The following KCNK12 variants were observed in gnomAD, a reference collection of about 807,000 sequenced individuals.
The protein encoded by KCNK12 is potassium channel subfamily K member 12.
A neutral mutation model predicts 25.3 loss-of-function variants in KCNK12; 6 were observed. The observed-to-expected ratio is 0.24, with a 90% CI of 0.13 to 0.47. The LOEUF (loss-of-function observed/expected upper bound fraction) is 0.47. Among genes scored for constraint, KCNK12 ranks in the 20% least tolerant of loss-of-function variants. KCNK12 has a pLI of 0.99. For synonymous variants in KCNK12, 331 were observed against 311.1 expected (o/e 1.06, Z -0.67); for missense variants, 444 against 661.7 (o/e 0.67, Z 3.61).
In KCNK12 at chr2:47,537,336, CT is replaced by C. The variant is rs5830962; in HGVS notation, c.392-15529del. Among the ~76,000 whole-genome samples, 335 of 146,570 alleles carry C rather than the reference CT, an allele frequency of 2.3e-3. 1 individual carries two copies. Among genetic ancestry groups the C allele is most frequent in the African/African-American group, 6.0e-3 (242 of 40,014 alleles). The stretch of plus-strand genomic sequence containing the variant: ...GTTGTGAAAATGGGTGATTTTCTTT[CT>C]TTTTTTTTTTTGAGATGGCATCTTG... On this transcript the variant is annotated intron_variant, in intron 1 of 1. Transcript: ENST00000327876.
chr2:47,521,312 G>A lies in KCNK12; in HGVS notation c.888C>T (p.Asn296=), dbSNP rs956025755. 6.2e-7 allele frequency: 1 copy of A among 1,613,264 alleles called. No homozygotes were observed. The highest frequency in any genetic ancestry group is 8.5e-7 in the Non-Finnish European group (1 of 1,179,828). Residue 296 remains asparagine (N), a synonymous_variant, in exon 2 of 2, where the codon AAC becomes AAT. Transcript: ENST00000327876. ...CCTGCTTGATGAGGATGGAGATGAC[G>A]TTGAAGAGCGAGTAAATGCAGCACA... ...LGVCCIYSLF[N]VISILIKQVL...
Position 47,547,459 on chromosome 2 carries a change from G to A in KCNK12, c.391+22482C>T, listed in dbSNP as rs545485205. 1.3e-4 allele frequency among the ~76,000 whole-genome samples: 20 copies of A among 152,154 alleles called. No individual in the cohort carries two copies. The highest frequency in any genetic ancestry group is 8.3e-4 in the South Asian group (4 of 4,814). Reference sequence around the variant, plus strand: ...GGTGATCTTTTCTTTTTCTTTTTGCGTCTGGGTCTGGCTCTATTGCCCAGG... The same window carrying A: ...GGTGATCTTTTCTTTTTCTTTTTGCATCTGGGTCTGGCTCTATTGCCCAGG... On this transcript the variant is annotated intron_variant, in intron 1 of 1. Transcript: ENST00000327876. This position sits in a 1 kb window ranked among gnomAD's most constrained non-coding sequence, Gnocchi z 5.0.
Position 47,548,885 on chromosome 2 carries a change from A to G in KCNK12, c.391+21056T>C, listed in dbSNP as rs1431889371. ...ATTGAGGGGAGAGAAATTCAGGTTC[A>G]GGGAGGATAAAGCAGCTGTCACTGC... On this transcript the variant is annotated intron_variant, in intron 1 of 1. Coordinates refer to ENST00000327876, the MANE Select transcript of KCNK12 (RefSeq NM_022055.2). This position sits in a 1 kb window ranked among gnomAD's most constrained non-coding sequence, Gnocchi z 4.4. Among the ~76,000 whole-genome samples the G allele has an allele frequency of 2.0e-5, 3 of 152,212 alleles. No individual in the cohort carries two copies. The highest frequency in any genetic ancestry group is 7.2e-5 in the African/African-American group (3 of 41,460).
chr2:47,538,466 C>A lies in KCNK12; in HGVS notation c.392-16658G>T, dbSNP rs1558555259. Among the ~76,000 whole-genome samples, 1 of 151,942 alleles carries A rather than the reference C, an allele frequency of 6.6e-6. No homozygotes were observed. The highest frequency in any genetic ancestry group is 2.4e-5 in the African/African-American group (1 of 41,380). ...GGCCCTGAGGCAGAGGGGCTGGAAA[C>A]AGAGAAGAAAAGAGTGAAAAAGGAC... On this transcript the variant is annotated intron_variant, in intron 1 of 1. Transcript: ENST00000327876. The surrounding 1 kb of genome is among the most constrained non-coding windows in gnomAD (Gnocchi z 4.5).
At position 47,510,780 on chromosome 2, in the gene KCNK12, C is replaced by T. The variant is rs925046254; in HGVS notation, c.*10127G>A. 1 of 152,174 alleles carries T rather than the reference C, an allele frequency of 6.6e-6. No homozygotes were observed. The highest frequency in any genetic ancestry group is 1.5e-5 in the Non-Finnish European group (1 of 68,042). The allele number at this position is 152,174 out of a possible 1,614,324, so 9.4% of individuals were successfully genotyped here. The stretch of plus-strand genomic sequence containing the variant: ...CTATTAACCCTGGTATTAATATTAA[C>T]TGGCTGCCCAGAATAAATGAAGAAT... On this transcript the variant is annotated 3_prime_UTR_variant, in exon 2 of 2. Transcript: ENST00000327876.
intron 1 of KCNK12, 73 bp from the exon 2 acceptor site, chr2:47,521,881 T>TGGGGGGGG: frequency 2.4e-5 from 5 of 212,146 alleles, no homozygotes; most frequent in East Asian, 1.6e-4. Flanking sequence ...GTGGGGGGTG[T>TGGGGGGGG]GGGGGCGGGG....
Position 47,551,575 on chromosome 2 carries a change from T to A in KCNK12, c.391+18366A>T, listed in dbSNP as rs1308514906. On this transcript the variant is annotated intron_variant, in intron 1 of 1. Transcript: ENST00000327876. The surrounding 1 kb of genome is among the most constrained non-coding windows in gnomAD (Gnocchi z 5.3). Reference sequence around the variant, plus strand: ...AAGAAATATTTGTTGAATAAATGGATCAATGGGAATCATGTTTTCTGGATG... The same window carrying A: ...AAGAAATATTTGTTGAATAAATGGAACAATGGGAATCATGTTTTCTGGATG... 6.6e-6 allele frequency among the ~76,000 whole-genome samples: 1 copy of A among 152,170 alleles called. No homozygotes were observed. The highest frequency in any genetic ancestry group is 2.4e-5 in the African/African-American group (1 of 41,432).
In KCNK12 at chr2:47,566,206, C is replaced by G. The variant is rs184123629; in HGVS notation, c.391+3735G>C. On this transcript the variant is annotated intron_variant, in intron 1 of 1. Coordinates refer to ENST00000327876, the MANE Select transcript of KCNK12 (RefSeq NM_022055.2). This position sits in a 1 kb window ranked among gnomAD's most constrained non-coding sequence, Gnocchi z 4.1. ...CTGTGTAGACACACGTGTATCTACA[C>G]GATTGCAAACTGCCCAGCTGTGGAT... 6.6e-6 allele frequency: 1 copy of G among 152,154 alleles called. No individual in the cohort carries two copies. The highest frequency in any genetic ancestry group is 2.4e-5 in the African/African-American group (1 of 41,432). The allele number at this position is 152,154 out of a possible 1,614,324, so 9.4% of individuals were successfully genotyped here. A position where few individuals can be genotyped will look rare whatever the true frequency, so the allele number is the denominator to read the frequency against.
In KCNK12 at chr2:47,546,599, G is replaced by A. The variant is rs1404784862; in HGVS notation, c.391+23342C>T. Among the ~76,000 whole-genome samples the A allele has an allele frequency of 3.9e-5, 6 of 152,340 alleles. No homozygotes were observed. In the East Asian group the frequency reaches 9.6e-4, roughly 24 times the overall value. On this transcript the variant is annotated intron_variant, in intron 1 of 1. Transcript: ENST00000327876. ...TTGAGCCAGGGAGGTTGAGGCTGCA[G>A]TAAGCTGTGATCATGCCACTGCACT...
chr2:47,528,078 T>C lies in KCNK12; in HGVS notation c.392-6270A>G, dbSNP rs1668827370. On this transcript the variant is annotated intron_variant, in intron 1 of 1. Transcript: ENST00000327876. The surrounding 1 kb of genome is among the most constrained non-coding windows in gnomAD (Gnocchi z 4.5). The stretch of plus-strand genomic sequence containing the variant: ...TTGTCCTGGGGTCTTCTTACGGCCC[T>C]GGTTCAGCTTGCATTCAGCATAACA... Among the ~76,000 whole-genome samples the C allele has an allele frequency of 6.6e-6, 1 of 152,178 alleles. No individual in the cohort carries two copies. The highest frequency in any genetic ancestry group is 1.5e-5 in the Non-Finnish European group (1 of 68,034).
chr2:47,555,305 T>G lies in KCNK12; in HGVS notation c.391+14636A>C, dbSNP rs147124629. ...CTGCAGGCAATTTGGAAGCAGCAGA[T>G]GCAAAGAAAGCTCCTTATCCTCCCC... On this transcript the variant is annotated intron_variant, in intron 1 of 1. Coordinates refer to ENST00000327876, the MANE Select transcript of KCNK12 (RefSeq NM_022055.2). This position sits in a 1 kb window ranked among gnomAD's most constrained non-coding sequence, Gnocchi z 4.5. 0.012 allele frequency among the ~76,000 whole-genome samples: 1,761 copies of G among 152,322 alleles called. 14 individuals carry two copies. The highest frequency in any genetic ancestry group is 0.017 in the Non-Finnish European group (1,183 of 68,028).
rs564556588 is a variant in KCNK12, at chr2:47,565,255, A to G, written c.391+4686T>C. The G allele has an allele frequency of 1.1e-4, 16 of 152,356 alleles. No homozygotes were observed. Among genetic ancestry groups the G allele is most frequent in the African/African-American group, 3.8e-4 (16 of 41,576 alleles). 9.4% of individuals were successfully genotyped at this position (152,356 alleles called of 1,614,324 possible). A position where few individuals can be genotyped will look rare whatever the true frequency, so the allele number is the denominator to read the frequency against. On this transcript the variant is annotated intron_variant, in intron 1 of 1. Transcript: ENST00000327876. The surrounding 1 kb of genome is among the most constrained non-coding windows in gnomAD (Gnocchi z 5.0). ...GTGTTTCATTCCAGATATCAAAACT[A>G]TCTCCAGCTGGATTACATACATGTT...
At chr2:47,532,985 A>G (rs1022100139) in intron 1 of KCNK12, among the ~76,000 whole-genome samples, 1 of 152,068 alleles carries the variant, frequency 6.6e-6, no homozygotes, top group African/African-American at 2.4e-5. Context: ...TTCTCCCTCT[A>G]AAAATGGCCC....
chr2:47,545,444 A>G (rs1402378099), intron 1 of KCNK12, among the ~76,000 whole-genome samples: 1 of 152,242 alleles, frequency 6.6e-6, no homozygotes, highest in Non-Finnish European at 1.5e-5. Flanking sequence ...CTGCTGTCAG[A>G]GAGTGGACCC....
In KCNK12 at chr2:47,517,333, G is replaced by C. The variant is rs971519150; in HGVS notation, c.*3574C>G. On this transcript the variant is annotated 3_prime_UTR_variant, in exon 2 of 2. Coordinates refer to ENST00000327876, the MANE Select transcript of KCNK12 (RefSeq NM_022055.2). The surrounding 1 kb of genome is among the most constrained non-coding windows in gnomAD (Gnocchi z 4.1). ...CTGCTGGGAGGCCTGTCTGAAGGAC[G>C]GAGGATCCTGGGTCAATTTAGCAGC... 3 of 152,174 alleles carry C rather than the reference G, an allele frequency of 2.0e-5. No individual in the cohort carries two copies. The highest frequency in any genetic ancestry group is 7.2e-5 in the African/African-American group (3 of 41,410). The allele number at this position is 152,174 out of a possible 1,614,324, so 9.4% of individuals were successfully genotyped here.
rs1668418169 is a variant in KCNK12, at chr2:47,512,177, A to C, written c.*8730T>G. 3.4e-6 allele frequency: 4 copies of C among 1,165,184 alleles called. No homozygotes were observed. Among genetic ancestry groups the C allele is most frequent in the African/African-American group, 1.6e-5 (1 of 64,460 alleles). 72.2% of individuals were successfully genotyped at this position (1,165,184 alleles called of 1,614,324 possible). On this transcript the variant is annotated 3_prime_UTR_variant, in exon 2 of 2. Transcript: ENST00000327876. ...TGGTCCTGCTCCTCCCAGTCCATGG[A>C]GAAAAAAGAATTGAACAAACTGTCT...
Position 47,569,961 on chromosome 2 carries a change from C to T in KCNK12, c.371G>A (p.Gly124Asp). 7.0e-7 allele frequency: 1 copy of T among 1,427,774 alleles called. No individual in the cohort carries two copies. The highest frequency in any genetic ancestry group is 1.5e-5 in the South Asian group (1 of 67,894). 88.4% of individuals were successfully genotyped at this position (1,427,774 alleles called of 1,614,324 possible). The change falls in exon 1 of 2, where the codon GGC becomes GAC. Residue 124 changes from glycine (G) to aspartate (D), a missense_variant. Transcript: ENST00000327876. This position sits in a 1 kb window ranked among gnomAD's most constrained non-coding sequence, Gnocchi z 4.1. The part of the protein sequence containing the change: ...WDFPGAFYFV[G>D]TVVSTIGFGM... ...CTCACCTATGGTTGACACCACGGTG[C>T]CCACGAAGTAGAAGGCGCCGGGGAA... is the stretch of plus-strand genomic sequence containing the variant.
Position 47,555,298 on chromosome 2 carries a change from C to G in KCNK12, c.391+14643G>C, listed in dbSNP as rs1008409283. On this transcript the variant is annotated intron_variant, in intron 1 of 1. Coordinates refer to ENST00000327876, the MANE Select transcript of KCNK12 (RefSeq NM_022055.2). This position sits in a 1 kb window ranked among gnomAD's most constrained non-coding sequence, Gnocchi z 4.5. Reference sequence around the variant, plus strand: ...TTTTGAGCTGCAGGCAATTTGGAAGCAGCAGATGCAAAGAAAGCTCCTTAT... The same window carrying G: ...TTTTGAGCTGCAGGCAATTTGGAAGGAGCAGATGCAAAGAAAGCTCCTTAT... Among the ~76,000 whole-genome samples, 76 of 152,188 alleles carry G rather than the reference C, an allele frequency of 5.0e-4. No homozygotes were observed. Among genetic ancestry groups the G allele is most frequent in the African/African-American group, 1.7e-3 (71 of 41,464 alleles).
rs1484307731 is a variant in KCNK12 at position 47,556,624 on chromosome 2, A to C, written c.391+13317T>G. On this transcript the variant is annotated intron_variant, in intron 1 of 1. Transcript: ENST00000327876. This position sits in a 1 kb window ranked among gnomAD's most constrained non-coding sequence, Gnocchi z 4.8. ...TGAGGGCAGATGAAGAATACGTGGGAAGTTGGTATTTTGATAGGGGTACAA... is the reference window on the plus strand; with the variant it reads ...TGAGGGCAGATGAAGAATACGTGGGCAGTTGGTATTTTGATAGGGGTACAA... Among the ~76,000 whole-genome samples, 1 of 152,144 alleles carries C rather than the reference A, an allele frequency of 6.6e-6. No individual in the cohort carries two copies. Among genetic ancestry groups the C allele is most frequent in the Non-Finnish European group, 1.5e-5 (1 of 68,030 alleles).
Sources: gnomAD v4.1 joint callset for allele counts (sites outside exome capture counted in the v4.1 genomes callset) on GRCh38, gnomAD v4.1.1 for gene constraint, Gnocchi (gnomAD v3.1) non-coding constraint, MANE v1.5 for transcripts, NCBI Gene and HGNC (gene_info 2026-07-23, HGNC 2026-07-21) for gene names.